WDPCP: variants seen among roughly 807,000 people sequenced by gnomAD.
The protein encoded by WDPCP is WD repeat containing planar cell polarity effector, also known as WD repeat-containing and planar cell polarity effector protein fritz homolog.
WDPCP carries 71 observed loss-of-function variants against 93.1 expected under a neutral mutation model. That is an observed-to-expected ratio of 0.76 (90% CI 0.63 to 0.93). The LOEUF is 0.93. Among genes scored for constraint, WDPCP ranks in the 40% least tolerant of loss-of-function variants. The probability of loss-of-function intolerance (pLI) is 0.00; values close to 1 mark genes in which losing one functional copy is unlikely to be tolerated. For synonymous variants in WDPCP, 315 were observed against 315.0 expected (o/e 1.00, Z 0.00); for missense variants, 844 against 887.4 (o/e 0.95, Z 0.62).
At chr2:63,395,972 G>A (rs868061279) in intron 10 of WDPCP, among the ~76,000 whole-genome samples, 32 of 152,094 alleles carry the variant, frequency 2.1e-4, no homozygotes, top group Middle Eastern at 3.4e-3. Context: ...CAGGTGATCC[G>A]CCCACCTCGG....
chr2:63,482,608 A>G (rs1039623425), intron 6 of WDPCP, among the ~76,000 whole-genome samples: 18 of 152,148 alleles, frequency 1.2e-4, no homozygotes, highest in Non-Finnish European at 2.1e-4. Context: ...TAGAACCTAC[A>G]TAGATTTTTA....
At chr2:63,216,039 T>C (rs1178775339) in intron 14 of WDPCP, among the ~76,000 whole-genome samples, 7 of 152,106 alleles carry the variant, frequency 4.6e-5, no homozygotes, top group African/African-American at 1.7e-4. Flanking sequence ...ATGGCGATCA[T>C]TAAAAAGTCA....
At chr2:63,147,581 C>T (rs1336290102) in intron 17 of WDPCP, among the ~76,000 whole-genome samples, 7 of 152,096 alleles carry the variant, frequency 4.6e-5, no homozygotes, top group African/African-American at 1.2e-4. Context: ...TTTTTGCCTA[C>T]GTTATTTTAA....
intron 1 of WDPCP, among the ~76,000 whole-genome samples, chr2:63,502,689 T>G (rs1302052001): frequency 6.6e-6 from 1 of 152,142 alleles, no homozygotes; most frequent in Non-Finnish European, 1.5e-5. Flanking sequence ...ATAATATTAA[T>G]CCTTTGTTAT....
At chr2:63,233,085 CTCTTT>C (rs1679071549) in intron 14 of WDPCP, 1 of 156,326 alleles carries the variant, frequency 6.4e-6, no homozygotes, top group African/African-American at 2.4e-5. Context: ...AGAATTTGTA[CTCTTT>C]TTAAGTTCCT....
chr2:63,704,238 T>A (rs568975192), intron 2 of WDPCP, among the ~76,000 whole-genome samples: 221 of 152,366 alleles, frequency 1.5e-3, no homozygotes, highest in African/African-American at 5.1e-3. Flanking sequence ...AATCATGTCA[T>A]CTGCAAACAG....
chr2:63,828,377 C>T (rs1252993582), upstream of WDPCP, among the ~76,000 whole-genome samples: 1 of 152,018 alleles, frequency 6.6e-6, no homozygotes, highest in Non-Finnish European at 1.5e-5. Flanking sequence ...ACTTTCTATC[C>T]CTTACCCTGC....
chr2:63,789,309 A>AT (rs1267147329), intron 2 of WDPCP, among the ~76,000 whole-genome samples: 1 of 151,760 alleles, frequency 6.6e-6, no homozygotes, highest in Non-Finnish European at 1.5e-5. Context: ...GCAATTAAGT[A>AT]TTTTTTTTCT....
At chr2:63,230,623 G>A (rs1443772546) in intron 14 of WDPCP, among the ~76,000 whole-genome samples, 5 of 152,044 alleles carry the variant, frequency 3.3e-5, no homozygotes, top group Non-Finnish European at 7.4e-5. Flanking sequence ...TTTAGTGACC[G>A]CCATTCTAAC....
In WDPCP at chr2:63,571,789, G is replaced by A. The variant is rs149070330; in HGVS notation, c.75+16408C>T. 2.7e-3 allele frequency among the ~76,000 whole-genome samples: 418 copies of A among 152,172 alleles called. 7 individuals carry two copies. Among genetic ancestry groups the A allele is most frequent in the Admixed American group, 0.015 (235 of 15,268 alleles). On this transcript the variant is annotated intron_variant, in intron 1 of 17. Transcript: ENST00000272321. ...CAACATGATATATTCATAGTTATTC[G>A]TATCATACCATAAATTAATTCATGT...
At chr2:63,244,899 T>G (rs1017286985) in intron 14 of WDPCP, among the ~76,000 whole-genome samples, 1 of 152,106 alleles carries the variant, frequency 6.6e-6, no homozygotes, top group Admixed American at 6.6e-5. Context: ...TCTATCAGTG[T>G]GAAGTTGACT....
At chr2:63,607,218 A>C in intron 3 of WDPCP, 1 of 282,136 alleles carries the variant, frequency 3.5e-6, no homozygotes, top group Non-Finnish European at 6.6e-6. Context: ...CTCTGTTTCT[A>C]GCTAATATTT....
the WDPCP span, among the ~76,000 whole-genome samples, chr2:63,833,229 G>T: frequency 9.2e-5 from 14 of 152,228 alleles, no homozygotes; most frequent in Admixed American, 5.2e-4. Flanking sequence ...CTCCAGCCTG[G>T]GTGACAGAGT....
rs376740587 is a variant in WDPCP at position 63,119,743 on chromosome 2, C to G, written c.*2263G>C. On this transcript the variant is annotated 3_prime_UTR_variant, in exon 18 of 18. Transcript: ENST00000272321. ...GACAGATACTACCTAGCTGTTCCTGCCTATACCACTCTTCTTACTTTAGAG... is the reference window on the plus strand; with the variant it reads ...GACAGATACTACCTAGCTGTTCCTGGCTATACCACTCTTCTTACTTTAGAG... Among the ~76,000 whole-genome samples the G allele has an allele frequency of 2.0e-5, 3 of 152,158 alleles. No individual in the cohort carries two copies. The highest frequency in any genetic ancestry group is 4.4e-5 in the Non-Finnish European group (3 of 68,028).
chr2:63,585,055 T>A (rs1331420843), intron 1 of WDPCP, among the ~76,000 whole-genome samples: 1 of 152,236 alleles, frequency 6.6e-6, no homozygotes, highest in Non-Finnish European at 1.5e-5. Flanking sequence ...TAAAATATCC[T>A]GTATTTCACC....
At chr2:63,385,731 A>G (rs1692679207) in intron 10 of WDPCP, among the ~76,000 whole-genome samples, 1 of 151,992 alleles carries the variant, frequency 6.6e-6, no homozygotes, top group Non-Finnish European at 1.5e-5. Flanking sequence ...TCAAAATCCC[A>G]TCAGGTGAAA....
intron 13 of WDPCP, among the ~76,000 whole-genome samples, chr2:63,293,561 A>AC (rs374518491): frequency 1.9e-4 from 29 of 152,258 alleles, no homozygotes; most frequent in Middle Eastern, 6.8e-3. Context: ...AAAAAAAAAG[A>AC]CCTAATGGCA....
At chr2:63,357,277 C>G (rs1476737216) in intron 12 of WDPCP, among the ~76,000 whole-genome samples, 1 of 152,126 alleles carries the variant, frequency 6.6e-6, no homozygotes, top group African/African-American at 2.4e-5. Context: ...CAAGTAGGAT[C>G]TAATTAAACT....
In WDPCP at chr2:63,175,094, G is replaced by A. The variant is rs983599741; in HGVS notation, c.1916-262C>T. 1.3e-5 allele frequency among the ~76,000 whole-genome samples: 2 copies of A among 151,918 alleles called. 1 individual carries two copies. The highest frequency in any genetic ancestry group is 1.3e-4 in the Admixed American group (2 of 15,250). On this transcript the variant is annotated intron_variant, in intron 14 of 17. Transcript: ENST00000272321. ...CTTGCTTATGTGTAGTGTTTTTAAC[G>A]AGCATATTATTTATAAAATTTTTTT...
Sources: gnomAD v4.1 joint callset for allele counts (sites outside exome capture counted in the v4.1 genomes callset) on GRCh38, gnomAD v4.1.1 for gene constraint, MANE v1.5 for transcripts, NCBI Gene and HGNC (gene_info 2026-07-23, HGNC 2026-07-21) for gene names.